The following TAS2R1 variants were observed in gnomAD, a reference collection of about 807,000 sequenced individuals.
TAS2R1 encodes the protein taste receptor type 2 member 1.
For missense variants in TAS2R1, 370 were observed against 353.4 expected, an observed-to-expected ratio of 1.05 and a Z score of -0.38; for synonymous variants, 141 against 134.2, an observed-to-expected ratio of 1.05 and a Z score of -0.35.
At chr5:9,900,742 T>A in the TAS2R1 span, among the ~76,000 whole-genome samples, 1 of 150,314 alleles carries the variant, frequency 6.7e-6, no homozygotes, top group South Asian at 2.2e-4. Flanking sequence ...TGCCTCAGCC[T>A]CCCGAGCAGC....
chr5:9,640,694 G>A lies in TAS2R1; in HGVS notation c.-80-10702C>T, dbSNP rs549067635. On this transcript the variant is annotated intron_variant, in intron 2 of 2. Coordinates refer to the TAS2R1 transcript ENST00000506620. ...TGCAAATCTTGGTTAACCCACCTGCGCCCTGCAACACTCAGCTCTGAGAAG... is the reference window on the plus strand; with the variant it reads ...TGCAAATCTTGGTTAACCCACCTGCACCCTGCAACACTCAGCTCTGAGAAG... Among the ~76,000 whole-genome samples the A allele has an allele frequency of 8.6e-5, 13 of 152,040 alleles. No individual in the cohort carries two copies. In the East Asian group the frequency reaches 1.4e-3, roughly 16 times the overall value.
At chr5:9,853,367 T>C in the TAS2R1 span, among the ~76,000 whole-genome samples, 1 of 152,218 alleles carries the variant, frequency 6.6e-6, no homozygotes, top group African/African-American at 2.4e-5. Flanking sequence ...ATGGTTAAAC[T>C]CACTTTTAAT....
chr5:9,769,083 C>A, the TAS2R1 span, among the ~76,000 whole-genome samples: 1 of 152,206 alleles, frequency 6.6e-6, no homozygotes, highest in Non-Finnish European at 1.5e-5. Context: ...ACTACCCTTT[C>A]CAGCCTCTGG....
the TAS2R1 span, among the ~76,000 whole-genome samples, chr5:9,854,089 G>A: frequency 2.0e-5 from 3 of 152,258 alleles, no homozygotes; most frequent in African/African-American, 7.2e-5. Flanking sequence ...GCTGTCAGCA[G>A]GGTTGGTTCC....
chr5:9,895,790 T>G, the TAS2R1 span, among the ~76,000 whole-genome samples: 1 of 152,230 alleles, frequency 6.6e-6, no homozygotes, highest in Non-Finnish European at 1.5e-5. Context: ...GCCTTTCCAC[T>G]GAAATTATAA....
chr5:9,837,092 T>G, the TAS2R1 span, among the ~76,000 whole-genome samples: 1 of 152,212 alleles, frequency 6.6e-6, no homozygotes, highest in Non-Finnish European at 1.5e-5. Context: ...ATGCCAGAAC[T>G]TCCCTGGAAT....
the TAS2R1 span, among the ~76,000 whole-genome samples, chr5:9,855,405 C>G: frequency 1.3e-5 from 2 of 152,214 alleles, no homozygotes; most frequent in Non-Finnish European, 2.9e-5. Context: ...ACTTATAGGT[C>G]CTAGGCAAAG....
chr5:9,892,544 T>G, the TAS2R1 span, among the ~76,000 whole-genome samples: 1 of 152,150 alleles, frequency 6.6e-6, no homozygotes, highest in African/African-American at 2.4e-5. Flanking sequence ...CATAACAACC[T>G]CAGGATGGGA....
the TAS2R1 span, among the ~76,000 whole-genome samples, chr5:9,863,502 G>A: frequency 3.9e-5 from 6 of 152,062 alleles, no homozygotes; most frequent in Non-Finnish European, 7.4e-5. Flanking sequence ...TCCTGACCTC[G>A]TGATCTGCCC....
intron 1 of TAS2R1, among the ~76,000 whole-genome samples, chr5:9,702,857 G>A (rs1741520616): frequency 6.6e-6 from 1 of 152,022 alleles, no homozygotes; most frequent in Non-Finnish European, 1.5e-5. Context: ...CAGATGGAGG[G>A]AGAAAGAAAA....
In TAS2R1 at chr5:9,695,029, G is replaced by A. The variant is rs116601916; in HGVS notation, c.-242+17143C>T. On this transcript the variant is annotated intron_variant, in intron 1 of 2. Coordinates refer to the TAS2R1 transcript ENST00000506620. ...TTAACCACCTGGGTCAAATCCCAAG[G>A]GCACTGTTTACCTGCTGTGGGACTT... Among the ~76,000 whole-genome samples the A allele has an allele frequency of 9.7e-3, 1,474 of 152,200 alleles. 12 individuals are homozygous for A. Among genetic ancestry groups the A allele is most frequent in the African/African-American group, 0.033 (1,356 of 41,526 alleles).
chr5:9,673,822 C>T lies in TAS2R1; in HGVS notation c.-241-14241G>A, dbSNP rs1740817804. Among the ~76,000 whole-genome samples the T allele has an allele frequency of 2.0e-5, 3 of 152,096 alleles. No individual in the cohort carries two copies. The South Asian group carries it at 6.2e-4, about 32-fold the overall frequency. On this transcript the variant is annotated intron_variant, in intron 1 of 2. Coordinates refer to the TAS2R1 transcript ENST00000506620. Reference sequence around the variant, plus strand: ...CTGTCCCTTGTGGCACTTCTCCATACCCTGTCTAATGGAATGGCTCTGAAA... The same window carrying T: ...CTGTCCCTTGTGGCACTTCTCCATATCCTGTCTAATGGAATGGCTCTGAAA...
At chr5:9,854,878 G>T in the TAS2R1 span, among the ~76,000 whole-genome samples, 1 of 152,198 alleles carries the variant, frequency 6.6e-6, no homozygotes, top group Admixed American at 6.5e-5. Flanking sequence ...TACATAAAAA[G>T]ATTTGAGTTG....
At chr5:9,690,625 A>T (rs1488711796) in intron 1 of TAS2R1, among the ~76,000 whole-genome samples, 3 of 152,038 alleles carry the variant, frequency 2.0e-5, no homozygotes, top group Non-Finnish European at 4.4e-5. Context: ...GGGGGAAAAA[A>T]GTGTGACTTA....
the TAS2R1 span, among the ~76,000 whole-genome samples, chr5:9,789,800 T>A: frequency 2.0e-5 from 3 of 152,268 alleles, no homozygotes; most frequent in Admixed American, 2.0e-4. Flanking sequence ...TGGTAAGTTA[T>A]GCTGTGGCAA....
the TAS2R1 span, among the ~76,000 whole-genome samples, chr5:9,780,468 A>G: frequency 6.6e-6 from 1 of 152,198 alleles, no homozygotes; most frequent in East Asian, 1.9e-4. Context: ...ACTAATGGAC[A>G]TTGCTAATTC....
At chr5:9,801,707 G>A in the TAS2R1 span, among the ~76,000 whole-genome samples, 1 of 152,290 alleles carries the variant, frequency 6.6e-6, no homozygotes, top group Non-Finnish European at 1.5e-5. Flanking sequence ...AGTGAGACCA[G>A]CCTTTAGGAC....
chr5:9,749,013 T>C, the TAS2R1 span, among the ~76,000 whole-genome samples: 1 of 152,188 alleles, frequency 6.6e-6, no homozygotes, highest in South Asian at 2.1e-4. Context: ...GAAAATAAAC[T>C]GAAGGCTTTT....
chr5:9,748,242 T>C, the TAS2R1 span, among the ~76,000 whole-genome samples: 79 of 152,316 alleles, frequency 5.2e-4, 1 homozygote, highest in Middle Eastern at 3.4e-3. Context: ...TTTATTTATT[T>C]ATTTATTTGA....
Sources: gnomAD v4.1 joint callset for allele counts (sites outside exome capture counted in the v4.1 genomes callset) on GRCh38, gnomAD v4.1.1 for gene constraint, MANE v1.5 for transcripts, NCBI Gene and HGNC (gene_info 2026-07-23, HGNC 2026-07-21) for gene names.